Variants in FBN2 observed in about 807,000 individuals in gnomAD.
The protein encoded by FBN2 is fibrillin-2.
A neutral mutation model predicts 355.6 loss-of-function variants in FBN2; 105 were observed. That is an observed-to-expected ratio of 0.30 (90% confidence interval 0.25 to 0.35). FBN2 has a LOEUF of 0.35. Ranked by LOEUF, FBN2 falls within the 10% of genes least tolerant of loss-of-function variation. The pLI, the probability that FBN2 is intolerant of heterozygous loss-of-function variation, is 1.00. For missense variants in FBN2, 3,280 were observed against 3,758.7 expected (o/e 0.87, Z 3.33); for synonymous variants, 1,350 against 1,301.2 (o/e 1.04, Z -0.81).
At chr5:128,272,483 T>TAA (rs976327181) in intron 61 of FBN2, among the ~76,000 whole-genome samples, 1 of 147,728 alleles carries the variant, frequency 6.8e-6, no homozygotes, top group Non-Finnish European at 1.5e-5. Flanking sequence ...TATATATATA[T>TAA]ATAAAATATA....
intron 34 of FBN2, among the ~76,000 whole-genome samples, chr5:128,323,643 A>C (rs539099050): frequency 5.9e-5 from 9 of 152,222 alleles, no homozygotes; most frequent in Non-Finnish European, 1.3e-4. Context: ...GATAAAGCCG[A>C]CTTGATCGTG....
At chr5:128,331,130 C>T (rs957875981) in intron 32 of FBN2, among the ~76,000 whole-genome samples, 15 of 152,000 alleles carry the variant, frequency 9.9e-5, no homozygotes, top group African/African-American at 3.6e-4. Flanking sequence ...CATGGAATCC[C>T]TTAGTTGAGC....
At chr5:128,443,230 A>G (rs1753970427) in intron 7 of FBN2, among the ~76,000 whole-genome samples, 1 of 152,208 alleles carries the variant, frequency 6.6e-6, no homozygotes, top group African/African-American at 2.4e-5. Flanking sequence ...CTCAATGGCA[A>G]CCAAAGGAAA....
chr5:128,380,814 G>A (rs1752214227), intron 11 of FBN2, among the ~76,000 whole-genome samples: 1 of 151,934 alleles, frequency 6.6e-6, no homozygotes, highest in African/African-American at 2.4e-5. Flanking sequence ...ACCTCCAAGA[G>A]ACCATGTTCG....
chr5:128,308,014 G>A (rs1284670884), intron 41 of FBN2, among the ~76,000 whole-genome samples: 1 of 152,024 alleles, frequency 6.6e-6, no homozygotes, highest in Non-Finnish European at 1.5e-5. Flanking sequence ...GTTTCTAATT[G>A]TCTGGAAATC....
intron 60 of FBN2, 101 bp downstream of exon 60, chr5:128,274,466 G>T: frequency 1.3e-6 from 1 of 764,428 alleles, no homozygotes; most frequent in South Asian, 1.4e-5. Context: ...ATTGGTTACT[G>T]AACATAAATA....
At chr5:128,500,887 A>C (rs187056780) in intron 5 of FBN2, among the ~76,000 whole-genome samples, 1 of 152,332 alleles carries the variant, frequency 6.6e-6, no homozygotes, top group Admixed American at 6.5e-5. Context: ...AAATAAAAAA[A>C]CAGAAAGGCC....
intron 5 of FBN2, among the ~76,000 whole-genome samples, chr5:128,470,335 G>A (rs528667503): frequency 9.3e-4 from 142 of 152,292 alleles, no homozygotes; most frequent in African/African-American, 3.3e-3. Flanking sequence ...AGCCACGTTG[G>A]AGAGAGTTAA....
chr5:128,388,204 C>T (rs1359144827), intron 11 of FBN2, among the ~76,000 whole-genome samples: 7 of 152,214 alleles, frequency 4.6e-5, no homozygotes, highest in African/African-American at 1.7e-4. Context: ...AGCTTTTTAT[C>T]TATCCATTTA....
intron 5 of FBN2, among the ~76,000 whole-genome samples, chr5:128,503,688 T>C (rs986147860): frequency 1.3e-5 from 2 of 152,132 alleles, no homozygotes; most frequent in African/African-American, 4.8e-5. Context: ...TGGCAAAGCA[T>C]TCAAGAGGAA....
At chr5:128,447,430 G>C (rs758729787) in intron 6 of FBN2, among the ~76,000 whole-genome samples, 1 of 152,086 alleles carries the variant, frequency 6.6e-6, no homozygotes, top group Middle Eastern at 3.2e-3. Flanking sequence ...TGTAGATAAG[G>C]GATGAAATAA....
At chr5:128,403,711 T>C (rs1752857069) in intron 8 of FBN2, among the ~76,000 whole-genome samples, 1 of 152,192 alleles carries the variant, frequency 6.6e-6, no homozygotes, top group East Asian at 1.9e-4. Flanking sequence ...CTCCTTTTTT[T>C]TTTGGAACTG....
chr5:128,335,451 A>G lies in FBN2; in HGVS notation c.3847+4T>C. On this transcript the variant is annotated splice_donor_region_variant and intron_variant, in intron 29 of 64. Transcript: ENST00000262464. Reference sequence around the variant, plus strand: ...ACAAAACCTGTGTGTTTTCCTTTCTATACCTGCACACGATCTCCCATCTGG... The same window carrying G: ...ACAAAACCTGTGTGTTTTCCTTTCTGTACCTGCACACGATCTCCCATCTGG... 1 of 1,614,230 alleles carries G rather than the reference A, an allele frequency of 6.2e-7. No homozygotes were observed. Among genetic ancestry groups the G allele is most frequent in the Non-Finnish European group, 8.5e-7 (1 of 1,180,026 alleles).
intron 11 of FBN2, among the ~76,000 whole-genome samples, chr5:128,385,402 T>C (rs1267802438): frequency 1.3e-5 from 2 of 152,336 alleles, no homozygotes; most frequent in East Asian, 1.9e-4. Context: ...CTTTTTCTTA[T>C]GGCTACATAG....
At chr5:128,317,645 C>T (rs1750243514) in intron 36 of FBN2, among the ~76,000 whole-genome samples, 1 of 152,082 alleles carries the variant, frequency 6.6e-6, no homozygotes, top group Non-Finnish European at 1.5e-5. Flanking sequence ...TTTTTAAGAT[C>T]AGAGGTGCTG....
At chr5:128,297,478 C>G (rs1561755304) in intron 48 of FBN2, among the ~76,000 whole-genome samples, 1 of 152,058 alleles carries the variant, frequency 6.6e-6, no homozygotes, top group African/African-American at 2.4e-5. Context: ...GTCTAAGTCT[C>G]TTTGTAGGTC....
rs1764895615 is a variant in FBN2 at position 128,259,251 on chromosome 5, G to A, written c.*204C>T. The A allele has an allele frequency of 9.9e-6, 6 of 603,988 alleles. No homozygotes were observed. Among genetic ancestry groups the A allele is most frequent in the African/African-American group, 1.9e-5 (1 of 53,928 alleles). The allele number at this position is 603,988 out of a possible 1,614,324, so 37.4% of individuals were successfully genotyped here. A position where few individuals can be genotyped will look rare whatever the true frequency, so the allele number is the denominator to read the frequency against. On this transcript the variant is annotated 3_prime_UTR_variant, in exon 65 of 65. Coordinates refer to ENST00000262464, the MANE Select transcript of FBN2 (RefSeq NM_001999.4). ...GTTATATAAAAAATACAGTAACCAC[G>A]GTTGCCTTTGTGCTCAAATCTTTGG...
intron 5 of FBN2, among the ~76,000 whole-genome samples, chr5:128,478,944 G>C (rs898561474): frequency 1.3e-5 from 2 of 152,194 alleles, no homozygotes; most frequent in African/African-American, 4.8e-5. Context: ...ACAAGTGTGG[G>C]ATGCAACACA....
intron 2 of FBN2, among the ~76,000 whole-genome samples, chr5:128,532,158 C>T (rs1379526296): frequency 2.0e-5 from 3 of 152,172 alleles, no homozygotes; most frequent in Non-Finnish European, 2.9e-5. Context: ...ATCTGACCTA[C>T]CCTGTGATCA....
Sources: gnomAD v4.1 joint callset for allele counts (sites outside exome capture counted in the v4.1 genomes callset) on GRCh38, gnomAD v4.1.1 for gene constraint, MANE v1.5 for transcripts, NCBI Gene and HGNC (gene_info 2026-07-23, HGNC 2026-07-21) for gene names.